Variants in TMEM170A observed in about 807,000 individuals in gnomAD.
TMEM170A encodes the protein transmembrane protein 170A.
TMEM170A carries 18 observed loss-of-function variants against 12.8 expected under a neutral mutation model. The ratio of observed to expected loss-of-function variants is 1.41; its 90% CI spans 0.97 to 2.09. The LOEUF (loss-of-function observed/expected upper bound fraction) is 2.09, where lower values mean the gene tolerates loss of function less well. Among genes scored for constraint, TMEM170A ranks in the 30% most tolerant of loss-of-function variants. The pLI is 0.00. For missense variants in TMEM170A, 220 were observed against 179.9 expected (o/e 1.22, Z -1.28); for synonymous variants, 107 against 76.2 (o/e 1.40, Z -2.11).
At chr16:75,452,207 A>G (rs547403746) in intron 1 of TMEM170A, among the ~76,000 whole-genome samples, 1 of 151,910 alleles carries the variant, frequency 6.6e-6, no homozygotes, top group Non-Finnish European at 1.5e-5. Flanking sequence ...TCCTGACCTC[A>G]TGATCCGCCC....
At chr16:75,451,318 G>C (rs920032051) in intron 2 of TMEM170A, 3 of 354,352 alleles carry the variant, frequency 8.5e-6, no homozygotes, top group South Asian at 4.5e-5. Context: ...GGGAGGCCAA[G>C]GTGGGCAGAT....
chr16:75,463,039 G>C (rs2079934676), intron 1 of TMEM170A, among the ~76,000 whole-genome samples: 1 of 152,122 alleles, frequency 6.6e-6, no homozygotes, highest in Non-Finnish European at 1.5e-5. Flanking sequence ...AATACATGTG[G>C]TTATATATAT....
intron 1 of TMEM170A, among the ~76,000 whole-genome samples, chr16:75,457,106 C>T (rs765168227): frequency 1.3e-5 from 2 of 152,182 alleles, no homozygotes; most frequent in Non-Finnish European, 2.9e-5. Context: ...CTGCCCCATA[C>T]TGACCTGAGA....
chr16:75,463,059 GAA>G (rs1567706438), intron 1 of TMEM170A, among the ~76,000 whole-genome samples: 1 of 152,092 alleles, frequency 6.6e-6, no homozygotes, highest in East Asian at 1.9e-4. Flanking sequence ...TAGAGAGAGA[GAA>G]AGAGAGCAGA....
rs1295068264 is a variant in TMEM170A, at chr16:75,451,766, G to A, written c.207C>T (p.Ala69=). 1 of 1,614,068 alleles carries A rather than the reference G, an allele frequency of 6.2e-7. No homozygotes were observed. The highest frequency in any genetic ancestry group is 1.3e-5 in the African/African-American group (1 of 75,012). The change falls in exon 2 of 3, where the codon GCC becomes GCT. Residue 69 remains alanine (A), a synonymous_variant. Transcript: ENST00000561878. ...LFFHVPAGLL[A]LFTLRHHKYG... is the part of the protein sequence containing the mutation. The stretch of plus-strand genomic sequence containing the variant: ...ATTTGTGATGTCTGAGGGTGAAGAG[G>A]GCCAGTAATCCAGCAGGGACATGAA...
chr16:75,455,548 A>G (rs1166875608), intron 1 of TMEM170A, among the ~76,000 whole-genome samples: 2 of 152,218 alleles, frequency 1.3e-5, no homozygotes, highest in East Asian at 3.9e-4. Flanking sequence ...ATTATTAGAT[A>G]GGCCAGGCAT....
At chr16:75,455,262 C>T (rs2079768698) in intron 1 of TMEM170A, among the ~76,000 whole-genome samples, 1 of 147,228 alleles carries the variant, frequency 6.8e-6, no homozygotes, top group Non-Finnish European at 1.5e-5. Context: ...GAGGCTGAGG[C>T]AGGAGAATAG....
At position 75,443,876 on chromosome 16, in the gene TMEM170A, G is replaced by A. The variant is rs1008409895; in HGVS notation, c.*3682C>T. On this transcript the variant is annotated 3_prime_UTR_variant, in exon 3 of 3. Transcript: ENST00000561878. Reference sequence around the variant, plus strand: ...GGCCGAGGCGGGTGGATCACTTGAAGTCAGGAGTTTGAGACCAGCCTGTCC... The same window carrying A: ...GGCCGAGGCGGGTGGATCACTTGAAATCAGGAGTTTGAGACCAGCCTGTCC... The A allele has an allele frequency of 1.3e-5, 2 of 152,160 alleles. No individual in the cohort carries two copies. The highest frequency in any genetic ancestry group is 2.9e-5 in the Non-Finnish European group (2 of 68,046). 9.4% of individuals were successfully genotyped at this position (152,160 alleles called of 1,614,324 possible). A position where few individuals can be genotyped will look rare whatever the true frequency, so the allele number is the denominator to read the frequency against.
chr16:75,460,045 T>A (rs12918974), intron 1 of TMEM170A: 85,021 of 151,762 alleles, frequency 0.56, 24,877 homozygotes, highest in Admixed American at 0.68. Context: ...CCAACTGTAG[T>A]CAACCACCTC....
chr16:75,462,308 C>T (rs1286382822), intron 1 of TMEM170A, among the ~76,000 whole-genome samples: 1 of 152,244 alleles, frequency 6.6e-6, no homozygotes, highest in African/African-American at 2.4e-5. Flanking sequence ...CAACCTCTGC[C>T]TCCTGGGTTC....
intron 1 of TMEM170A, among the ~76,000 whole-genome samples, chr16:75,460,853 G>A (rs998898133): frequency 2.6e-5 from 4 of 152,116 alleles, no homozygotes; most frequent in African/African-American, 9.7e-5. Flanking sequence ...TTCCTGCAAG[G>A]ATGACACAAA....
rs201820370 is a variant in TMEM170A at position 75,447,728 on chromosome 16, C to T, written c.305-40G>A. 3.5e-5 allele frequency: 54 copies of T among 1,551,204 alleles called. No individual in the cohort carries two copies. The Admixed American group carries it at 4.5e-4, about 13-fold the overall frequency. On this transcript the variant is annotated intron_variant, in intron 2 of 2. Transcript: ENST00000561878. The stretch of plus-strand genomic sequence containing the variant: ...AAGAATGTTAAACAAAAACAAAAAA[C>T]GAAGGTTAACAAACTCACGAAAATA...
At position 75,457,764 on chromosome 16, in the gene TMEM170A, G is replaced by A. The variant is rs150294673; in HGVS notation, c.134-5925C>T. On this transcript the variant is annotated intron_variant, in intron 1 of 2. Coordinates refer to ENST00000561878, the MANE Select transcript of TMEM170A (RefSeq NM_145254.3). ...TAAACAGCGTCCGGCATACACAGCA[G>A]GCCAACACCTCTCTGAGGTTCTGAG... Among the ~76,000 whole-genome samples, 249 of 152,264 alleles carry A rather than the reference G, an allele frequency of 1.6e-3. 1 individual carries two copies. Among genetic ancestry groups the A allele is most frequent in the African/African-American group, 5.6e-3 (234 of 41,554 alleles).
Position 75,447,522 on chromosome 16 carries a change from A to G in TMEM170A, c.*36T>C. ...ATGTATTCTTTTGGAGGATTCCATA[A>G]AGTTTAAGTTCAACATCTCAGCATA... is the stretch of plus-strand genomic sequence containing the variant. On this transcript the variant is annotated 3_prime_UTR_variant, in exon 3 of 3. Transcript: ENST00000561878. The G allele has an allele frequency of 6.3e-7, 1 of 1,578,460 alleles. No individual in the cohort carries two copies. Among genetic ancestry groups the G allele is most frequent in the Non-Finnish European group, 8.6e-7 (1 of 1,167,090 alleles).
chr16:75,458,964 A>C (rs1223540453), intron 1 of TMEM170A: 1 of 151,686 alleles, frequency 6.6e-6, no homozygotes. Context: ...CGTGATCTCG[A>C]CTCACTGCAA....
intron 1 of TMEM170A, chr16:75,458,458 G>C (rs1208620730): frequency 6.6e-6 from 1 of 152,230 alleles, no homozygotes; most frequent in African/African-American, 2.4e-5. Context: ...GTCTTTGTAA[G>C]ACCAAGGTAG....
intron 1 of TMEM170A, chr16:75,459,989 T>TAGAGAG: frequency 6.5e-6 from 1 of 152,920 alleles, no homozygotes; most frequent in South Asian, 2.1e-4. Context: ...GAGGTCCAAC[T>TAGAGAG]GTCCTCTCTA....
chr16:75,464,341 T>G (rs1260470811), intron 1 of TMEM170A, 127 bp downstream of exon 1: 2 of 1,370,198 alleles, frequency 1.5e-6, no homozygotes, highest in Non-Finnish European at 1.9e-6. Context: ...ACGGCCCCCC[T>G]CCCGGAGGAC....
At chr16:75,451,330 G>C (rs2079677354) in intron 2 of TMEM170A, 2 of 381,128 alleles carry the variant, frequency 5.2e-6, no homozygotes, top group African/African-American at 2.1e-5. Context: ...TGGGCAGATT[G>C]CTTGAGCTCA....
Sources: allele counts gnomAD v4.1 joint callset (sites outside exome capture counted in the v4.1 genomes callset), GRCh38; gene constraint gnomAD v4.1.1; transcripts MANE v1.5; gene names NCBI Gene and HGNC (gene_info 2026-07-23, HGNC 2026-07-21).